Variants in PRMT8 observed in about 807,000 individuals in gnomAD.
PRMT8 encodes the protein protein arginine N-methyltransferase 8.
Under a neutral mutation model 47.1 loss-of-function variants are expected in PRMT8, and 7 were observed. The observed-to-expected ratio is 0.15, with a 90% CI of 0.08 to 0.28. The LOEUF is 0.28. Ranked by LOEUF, PRMT8 falls within the 10% of genes least tolerant of loss-of-function variation. The pLI is 1.00. For missense variants in PRMT8, 237 were observed against 505.4 expected (o/e 0.47, Z 5.09); for synonymous variants, 188 against 186.5 (o/e 1.01, Z -0.07).
Position 3,508,504 on chromosome 12 carries a change from G to C in PRMT8, c.75+16804G>C, listed in dbSNP as rs955730484. The stretch of plus-strand genomic sequence containing the variant: ...GAGAAACATGTTAAGGTGAGGCCGG[G>C]CGTGGGAATAGTTGAGGGAGAGTCT... On this transcript the variant is annotated intron_variant, in intron 1 of 9. Transcript: ENST00000382622. The surrounding 1 kb of genome is among the most constrained non-coding windows in gnomAD (Gnocchi z 4.9). 1.3e-5 allele frequency among the ~76,000 whole-genome samples: 2 copies of C among 152,184 alleles called. No individual in the cohort carries two copies. Among genetic ancestry groups the C allele is most frequent in the African/African-American group, 4.8e-5 (2 of 41,434 alleles).
At chr12:3,584,206 C>T (rs564369553) in intron 8 of PRMT8, among the ~76,000 whole-genome samples, 82 of 152,342 alleles carry the variant, frequency 5.4e-4, no homozygotes, top group African/African-American at 1.9e-3. Flanking sequence ...TGTGTCCTCA[C>T]GTGGTCTTTC....
At chr12:3,528,501 G>C (rs549343576) in intron 1 of PRMT8, among the ~76,000 whole-genome samples, 1 of 151,988 alleles carries the variant, frequency 6.6e-6, no homozygotes, top group East Asian at 1.9e-4. Flanking sequence ...TTCAATTTCG[G>C]TCGTTTAAAT....
rs1865433151 is a variant in PRMT8 at position 3,492,379 on chromosome 12, G to A, written c.75+679G>A. On this transcript the variant is annotated intron_variant, in intron 1 of 9. Coordinates refer to ENST00000382622, the MANE Select transcript of PRMT8 (RefSeq NM_019854.5). This position sits in a 1 kb window ranked among gnomAD's most constrained non-coding sequence, Gnocchi z 7.5. ...GGCACACGGGCCGCGGCCACCTTCA[G>A]CACCAGGGACAGCGTCCGCCCCTGC... 6.6e-6 allele frequency among the ~76,000 whole-genome samples: 1 copy of A among 152,168 alleles called. No individual in the cohort carries two copies. The highest frequency in any genetic ancestry group is 1.9e-4 in the East Asian group (1 of 5,184).
chr12:3,397,785 C>A (rs979925010), intron 1 of PRMT8, among the ~76,000 whole-genome samples: 1 of 152,150 alleles, frequency 6.6e-6, no homozygotes. Flanking sequence ...CAAGCCCGGG[C>A]AATGGCGGGC....
At chr12:3,511,581 T>C (rs985987877) in intron 1 of PRMT8, among the ~76,000 whole-genome samples, 1 of 152,208 alleles carries the variant, frequency 6.6e-6, no homozygotes, top group African/African-American at 2.4e-5. Context: ...CCTGGGTTTC[T>C]ATGCATCTAA....
At chr12:3,542,555 A>G (rs1866250797) in intron 2 of PRMT8, among the ~76,000 whole-genome samples, 1 of 152,154 alleles carries the variant, frequency 6.6e-6, no homozygotes, top group African/African-American at 2.4e-5. Flanking sequence ...GGCTCTGGGT[A>G]CCCATTTCAG....
chr12:3,404,294 T>A (rs1405462359), intron 1 of PRMT8, among the ~76,000 whole-genome samples: 1 of 152,246 alleles, frequency 6.6e-6, no homozygotes, highest in East Asian at 1.9e-4. Flanking sequence ...TTCAATGTGC[T>A]GTTTTCATTC....
rs1865668573 is a variant in PRMT8 at position 3,508,718 on chromosome 12, C to T, written c.75+17018C>T. Among the ~76,000 whole-genome samples, 1 of 152,202 alleles carries T rather than the reference C, an allele frequency of 6.6e-6. No individual in the cohort carries two copies. The highest frequency in any genetic ancestry group is 2.4e-5 in the African/African-American group (1 of 41,446). ...CTCAGCGTCATGACCAGTTCCCATT[C>T]TCAGACTGCAGCCCACATCTCTCCT... On this transcript the variant is annotated intron_variant, in intron 1 of 9. Coordinates refer to ENST00000382622, the MANE Select transcript of PRMT8 (RefSeq NM_019854.5). This position sits in a 1 kb window ranked among gnomAD's most constrained non-coding sequence, Gnocchi z 4.9.
Position 3,576,774 on chromosome 12 carries a change from C to G in PRMT8, c.713-97C>G. On this transcript the variant is annotated intron_variant, in intron 6 of 9. Transcript: ENST00000382622. The surrounding 1 kb of genome is among the most constrained non-coding windows in gnomAD (Gnocchi z 4.0). ...CGATGCAAGGGAACTCGAGCTGCCA[C>G]TCAGCCCTCAGGCACGCTGTGCTCT... is the stretch of plus-strand genomic sequence containing the variant. 1 of 903,220 alleles carries G rather than the reference C, an allele frequency of 1.1e-6. No individual in the cohort carries two copies. Among genetic ancestry groups the G allele is most frequent in the South Asian group, 1.5e-5 (1 of 65,474 alleles). 56.0% of individuals were successfully genotyped at this position (903,220 alleles called of 1,614,324 possible). A position where few individuals can be genotyped will look rare whatever the true frequency, so the allele number is the denominator to read the frequency against.
intron 1 of PRMT8, among the ~76,000 whole-genome samples, chr12:3,478,100 G>T (rs1261311064): frequency 5.3e-5 from 8 of 152,168 alleles, no homozygotes; most frequent in Non-Finnish European, 1.0e-4. Flanking sequence ...CCCAGGAAAG[G>T]TTTGGAAACT....
intron 1 of PRMT8, among the ~76,000 whole-genome samples, chr12:3,412,288 G>A (rs1864438979): frequency 6.6e-6 from 1 of 152,210 alleles, no homozygotes; most frequent in African/African-American, 2.4e-5. Flanking sequence ...CCTGTACAGG[G>A]CACTTACCAT....
intron 6 of PRMT8, among the ~76,000 whole-genome samples, chr12:3,574,859 C>T (rs2137215838): frequency 6.6e-6 from 1 of 152,322 alleles, no homozygotes; most frequent in East Asian, 1.9e-4. Flanking sequence ...AACTCAAACT[C>T]CCGGCAGAGT....
At chr12:3,536,475 G>C (rs1056937984) in intron 1 of PRMT8, among the ~76,000 whole-genome samples, 2 of 152,234 alleles carry the variant, frequency 1.3e-5, no homozygotes, top group Non-Finnish European at 2.9e-5. Flanking sequence ...CTTGGAATCA[G>C]AGTTGAATGA....
intron 1 of PRMT8, among the ~76,000 whole-genome samples, chr12:3,402,159 C>A (rs1864324519): frequency 6.6e-6 from 1 of 152,126 alleles, no homozygotes; most frequent in Non-Finnish European, 1.5e-5. Flanking sequence ...GAATAGAGAT[C>A]TCAGAAATAA....
At chr12:3,419,992 A>C (rs1291402304) in intron 1 of PRMT8, among the ~76,000 whole-genome samples, 2 of 63,206 alleles carry the variant, frequency 3.2e-5, no homozygotes, top group African/African-American at 6.4e-5. Flanking sequence ...AGAGGGGGAG[A>C]GGGGAGAGGG....
At chr12:3,397,176 G>A (rs1174057561) in intron 1 of PRMT8, among the ~76,000 whole-genome samples, 1 of 151,780 alleles carries the variant, frequency 6.6e-6, no homozygotes, top group Admixed American at 6.5e-5. Flanking sequence ...CCATAGCTTG[G>A]AGTAATTTGA....
At position 3,572,142 on chromosome 12, in the gene PRMT8, T is replaced by G. The variant is rs1483256026; in HGVS notation, c.712+2578T>G. The stretch of plus-strand genomic sequence containing the variant: ...CATGGGAGTGCAAGAATGAGGTCAG[T>G]GCAGAACCTGCCCTCCATTTGCTCA... On this transcript the variant is annotated intron_variant, in intron 6 of 9. Coordinates refer to ENST00000382622, the MANE Select transcript of PRMT8 (RefSeq NM_019854.5). The surrounding 1 kb of genome is among the most constrained non-coding windows in gnomAD (Gnocchi z 5.9). Among the ~76,000 whole-genome samples, 2 of 152,174 alleles carry G rather than the reference T, an allele frequency of 1.3e-5. No individual in the cohort carries two copies. Among genetic ancestry groups the G allele is most frequent in the African/African-American group, 4.8e-5 (2 of 41,430 alleles).
intron 1 of PRMT8, among the ~76,000 whole-genome samples, chr12:3,424,160 G>C (rs1864575559): frequency 1.3e-5 from 2 of 152,190 alleles, no homozygotes; most frequent in Non-Finnish European, 2.9e-5. Context: ...GCTCAGGAGA[G>C]TGTTTGTAAA....
At chr12:3,396,814 A>C (rs575673304) in intron 1 of PRMT8, among the ~76,000 whole-genome samples, 29 of 152,092 alleles carry the variant, frequency 1.9e-4, no homozygotes, top group African/African-American at 7.0e-4. Flanking sequence ...GTGTTTTCCA[A>C]CTTGGTTCCA....
Sources: gnomAD v4.1 joint callset for allele counts (sites outside exome capture counted in the v4.1 genomes callset) on GRCh38, gnomAD v4.1.1 for gene constraint, Gnocchi (gnomAD v3.1) non-coding constraint, MANE v1.5 for transcripts, NCBI Gene and HGNC (gene_info 2026-07-23, HGNC 2026-07-21) for gene names.